Variants in TNRC6A observed in about 807,000 individuals in gnomAD.
TNRC6A encodes trinucleotide repeat-containing gene 6A protein.
Under a neutral mutation model 221.2 loss-of-function variants are expected in TNRC6A, and 44 were observed. The observed-to-expected ratio is 0.20, with a 90% CI of 0.16 to 0.26. TNRC6A has a LOEUF of 0.26. TNRC6A is among the 10% of genes least tolerant of loss of function. TNRC6A has a pLI of 1.00. For missense variants in TNRC6A, 2,199 were observed against 2,404.4 expected (o/e 0.91, Z 1.79); for synonymous variants, 847 against 838.5 (o/e 1.01, Z -0.18).
At chr16:24,778,341 C>G (rs2057769979) in intron 5 of TNRC6A, 1 of 984,644 alleles carries the variant, frequency 1.0e-6, no homozygotes. Context: ...TGGTATTTCA[C>G]AGTGAATAAG....
intron 2 of TNRC6A, among the ~76,000 whole-genome samples, chr16:24,737,829 T>C (rs899202909): frequency 1.4e-5 from 2 of 147,586 alleles, no homozygotes; most frequent in African/African-American, 5.0e-5. Flanking sequence ...TCCCATTCTT[T>C]TGAAGTTTCC....
intron 4 of TNRC6A, among the ~76,000 whole-genome samples, chr16:24,759,631 G>A (rs1344245401): frequency 6.6e-6 from 1 of 152,202 alleles, no homozygotes. Flanking sequence ...GCCAGCAAAG[G>A]TGTTTGGATT....
chr16:24,698,356 G>GATTA (rs1555490840), intron 2 of TNRC6A, among the ~76,000 whole-genome samples: 2 of 152,004 alleles, frequency 1.3e-5, no homozygotes, highest in Non-Finnish European at 2.9e-5. Context: ...CCCAAGATTG[G>GATTA]ATTAAATGCC....
At chr16:24,675,162 C>A (rs1020953572) in intron 2 of TNRC6A, among the ~76,000 whole-genome samples, 2 of 151,920 alleles carry the variant, frequency 1.3e-5, no homozygotes, top group Non-Finnish European at 1.5e-5. Flanking sequence ...CAAAAACATT[C>A]TCCAACCAAC....
At chr16:24,640,100 C>T (rs1028796346) in intron 1 of TNRC6A, among the ~76,000 whole-genome samples, 4 of 152,074 alleles carry the variant, frequency 2.6e-5, no homozygotes, top group African/African-American at 9.7e-5. Flanking sequence ...AATAAAAGTA[C>T]AAGATAATAG....
exon 2 of TNRC6A, chr16:24,640,894 T>C (rs1477749603): frequency 5.3e-5 from 8 of 152,064 alleles, no homozygotes; most frequent in Non-Finnish European, 1.0e-4. Flanking sequence ...GTGTGAAAAC[T>C]GAGGCCCGGA....
chr16:24,777,294 C>T lies in TNRC6A; in HGVS notation c.525C>T (p.Ser175=), dbSNP rs761865805. The change falls in exon 5 of 25, where the codon AGC becomes AGT. Residue 175 remains serine (S), a synonymous_variant. Transcript: ENST00000395799. ...AVKVLNSQSE[S]SALTNQQPQN... ...AGGTGTTAAACAGCCAGTCAGAAAG[C>T]AGTGCTTTAACAAATCAACAGCCAC... The T allele has an allele frequency of 4.3e-6, 7 of 1,614,088 alleles. No individual in the cohort carries two copies. In the South Asian group the frequency reaches 6.6e-5, roughly 15 times the overall value.
intron 1 of TNRC6A, among the ~76,000 whole-genome samples, chr16:24,610,846 C>T (rs553089100): frequency 3.2e-4 from 48 of 151,980 alleles, no homozygotes; most frequent in African/African-American, 1.1e-3. Context: ...AATCTCGCTC[C>T]GTCGCCCAGG....
At chr16:24,707,274 G>A (rs2056113896) in intron 2 of TNRC6A, among the ~76,000 whole-genome samples, 1 of 151,798 alleles carries the variant, frequency 6.6e-6, no homozygotes, top group South Asian at 2.1e-4. Flanking sequence ...AGGATTACAG[G>A]CATGTGCCAC....
chr16:24,810,665 G>A (rs2058524333), intron 18 of TNRC6A, among the ~76,000 whole-genome samples: 3 of 152,086 alleles, frequency 2.0e-5, no homozygotes, highest in Admixed American at 6.5e-5. Flanking sequence ...TCTGTATCTC[G>A]GCATATCTGG....
chr16:24,623,669 G>A (rs1475236974), intron 1 of TNRC6A, among the ~76,000 whole-genome samples: 3 of 151,808 alleles, frequency 2.0e-5, no homozygotes, highest in Non-Finnish European at 4.4e-5. Context: ...GCTGAGGTGG[G>A]TGCTTGAGTC....
intron 23 of TNRC6A, among the ~76,000 whole-genome samples, chr16:24,822,577 A>G (rs1196455181): frequency 2.0e-5 from 3 of 152,016 alleles, no homozygotes; most frequent in African/African-American, 7.3e-5. Flanking sequence ...TCCCTCAGGG[A>G]GCAGAACCTT....
intron 7 of TNRC6A, 152 bp from the exon 8 acceptor site, chr16:24,794,392 T>A (rs1351358803): frequency 1.5e-6 from 1 of 660,102 alleles, no homozygotes; most frequent in Non-Finnish European, 2.4e-6. Flanking sequence ...GTATAAAACA[T>A]ACTTTCCTTC....
rs139503888 is a variant in TNRC6A, at chr16:24,718,273, G to A, written n.403-32453G>A. On this transcript the variant is annotated intron_variant and non_coding_transcript_variant, in intron 2 of 2. Coordinates refer to the TNRC6A transcript ENST00000566108. Reference sequence around the variant, plus strand: ...GATTCCAGCCCTAAATGCTCAAGGCGTTCTTTTCAGAGGACTGTGTTTCCA... The same window carrying A: ...GATTCCAGCCCTAAATGCTCAAGGCATTCTTTTCAGAGGACTGTGTTTCCA... 6.9e-4 allele frequency among the ~76,000 whole-genome samples: 105 copies of A among 152,278 alleles called. 1 individual carries two copies. Among genetic ancestry groups the A allele is most frequent in the Non-Finnish European group, 1.0e-3 (69 of 68,026 alleles).
At position 24,789,357 on chromosome 16, in the gene TNRC6A, T is replaced by C. The variant is rs764560855; in HGVS notation, c.715T>C (p.Trp239Arg). The C allele has an allele frequency of 1.9e-6, 3 of 1,614,214 alleles. No individual in the cohort carries two copies. Among genetic ancestry groups the C allele is most frequent in the Non-Finnish European group, 2.5e-6 (3 of 1,180,048 alleles). ...AAGTGACTTGTCGGAAAAAGAAGCA[T>C]GGCCCTCAGCCCCTGGCAGTGATCC... Reference protein sequence around the residue: ...VVSDLSEKEAWPSAPGSDPEL... With the variant: ...VVSDLSEKEARPSAPGSDPEL... Residue 239 changes from tryptophan (W) to arginine (R), a missense_variant, in exon 6 of 25, where the codon TGG becomes CGG. Physicochemically the swap from Trp to Arg is moderately radical, Grantham distance 101. Transcript: ENST00000395799.
chr16:24,625,726 C>A, intron 1 of TNRC6A, among the ~76,000 whole-genome samples: 1 of 88,662 alleles, frequency 1.1e-5, no homozygotes, highest in Non-Finnish European at 2.0e-5. Flanking sequence ...GAGCGAGACT[C>A]CGTCTCAAAA....
At chr16:24,632,047 T>C (rs981617660) in intron 1 of TNRC6A, among the ~76,000 whole-genome samples, 1 of 151,964 alleles carries the variant, frequency 6.6e-6, no homozygotes, top group South Asian at 2.1e-4. Flanking sequence ...GACAGGGTCC[T>C]GCTATATTGC....
intron 8 of TNRC6A, 59 bp from the exon 9 acceptor site, chr16:24,795,848 C>T: frequency 6.8e-7 from 1 of 1,472,026 alleles, no homozygotes; most frequent in Non-Finnish European, 9.1e-7. Flanking sequence ...CTTCCAGTTC[C>T]AAACCCCATG....
intron 1 of TNRC6A, among the ~76,000 whole-genome samples, chr16:24,627,610 C>T (rs1257149937): frequency 6.6e-6 from 1 of 151,816 alleles, no homozygotes; most frequent in Non-Finnish European, 1.5e-5. Context: ...CTGGTTCTGC[C>T]ATTGATTTGA....
Sources: gnomAD v4.1 joint callset for allele counts (sites outside exome capture counted in the v4.1 genomes callset) on GRCh38, gnomAD v4.1.1 for gene constraint, MANE v1.5 for transcripts, NCBI Gene and HGNC (gene_info 2026-07-23, HGNC 2026-07-21) for gene names.